VPS37C: variants seen among roughly 807,000 people sequenced by gnomAD.
VPS37C encodes the protein vacuolar protein sorting-associated protein 37C.
A neutral mutation model predicts 16.1 loss-of-function variants in VPS37C; 9 were observed. That is an observed-to-expected ratio of 0.56 (90% CI 0.34 to 0.97). The LOEUF (loss-of-function observed/expected upper bound fraction) is 0.97. VPS37C is among the 50% of genes least tolerant of loss of function. The pLI is 0.02. For synonymous variants in VPS37C, 207 were observed against 206.4 expected, an observed-to-expected ratio of 1.00 and a Z score of -0.02; for missense variants, 479 against 472.7, an observed-to-expected ratio of 1.01 and a Z score of -0.12.
chr11:61,133,356 C>G lies in VPS37C; in HGVS notation c.266-19G>C. The G allele has an allele frequency of 1.9e-6, 3 of 1,612,610 alleles. No homozygotes were observed. Among genetic ancestry groups the G allele is most frequent in the Non-Finnish European group, 2.5e-6 (3 of 1,179,306 alleles). On this transcript the variant is annotated intron_variant, in intron 3 of 4. Transcript: ENST00000301765. ...AATTTCTCTGGAAGGGAGGGCAGAA[C>G]GACTGACATTTGAAAAGTGCTTCCT...
chr11:61,151,396 C>CT (rs1853296255), intron 1 of VPS37C, among the ~76,000 whole-genome samples: 1 of 151,976 alleles, frequency 6.6e-6, no homozygotes, highest in African/African-American at 2.4e-5. Context: ...GCAGTGCCTC[C>CT]TTTGAAACTC....
At chr11:61,140,456 G>A (rs146180090) in intron 1 of VPS37C, among the ~76,000 whole-genome samples, 29 of 151,848 alleles carry the variant, frequency 1.9e-4, no homozygotes, top group African/African-American at 5.3e-4. Flanking sequence ...TCCATACAGG[G>A]ACGAGACCAG....
At chr11:61,155,105 A>C (rs1242157595) in intron 1 of VPS37C, among the ~76,000 whole-genome samples, 1 of 19,818 alleles carries the variant, frequency 5.0e-5, no homozygotes, top group Non-Finnish European at 8.4e-5. Flanking sequence ...CTCTGTCTCC[A>C]AAAAAAAAAA....
chr11:61,131,481 A>G lies in VPS37C; in HGVS notation c.*339T>C. 1 of 241,806 alleles carries G rather than the reference A, an allele frequency of 4.1e-6. No homozygotes were observed. The allele number at this position is 241,806 out of a possible 1,614,324, so 15.0% of individuals were successfully genotyped here. ...TAGAGATAACTCTGCACTGGGTTCA[A>G]ATGGCCCTGAGTGCAGCCGCAAGTA... On this transcript the variant is annotated 3_prime_UTR_variant, in exon 5 of 5. Transcript: ENST00000301765.
chr11:61,134,604 A>T (rs539729408), intron 2 of VPS37C, among the ~76,000 whole-genome samples: 2 of 152,372 alleles, frequency 1.3e-5, no homozygotes, highest in Non-Finnish European at 2.9e-5. Flanking sequence ...CCCAAGCTTC[A>T]GAGTCAAGAG....
At chr11:61,146,778 C>T (rs1222322105) in intron 1 of VPS37C, among the ~76,000 whole-genome samples, 3 of 152,170 alleles carry the variant, frequency 2.0e-5, no homozygotes, top group African/African-American at 7.2e-5. Context: ...ACTACCAGCC[C>T]CTGAGAAGGA....
intron 1 of VPS37C, among the ~76,000 whole-genome samples, chr11:61,155,087 G>A (rs1387505819): frequency 7.9e-6 from 1 of 127,024 alleles, no homozygotes; most frequent in Non-Finnish European, 1.6e-5. Flanking sequence ...CTGGATGACA[G>A]AGTGAGACTC....
At chr11:61,140,870 A>G (rs1796764860) in intron 1 of VPS37C, among the ~76,000 whole-genome samples, 1 of 152,198 alleles carries the variant, frequency 6.6e-6, no homozygotes, top group African/African-American at 2.4e-5. Flanking sequence ...TCAAACCTGC[A>G]TTCTGTCCAC....
Position 61,138,848 on chromosome 11 carries a change from T to G in VPS37C, c.-6-13A>C. 1 of 1,611,400 alleles carries G rather than the reference T, an allele frequency of 6.2e-7. No homozygotes were observed. The highest frequency in any genetic ancestry group is 8.5e-7 in the Non-Finnish European group (1 of 1,177,724). On this transcript the variant is annotated splice_polypyrimidine_tract_variant and intron_variant, in intron 1 of 4. Transcript: ENST00000301765. Reference sequence around the variant, plus strand: ...TCTCCATCCTTCCCTGTGAACACAGTGACACCAAAGTAACGAACAGGCAGC... The same window carrying G: ...TCTCCATCCTTCCCTGTGAACACAGGGACACCAAAGTAACGAACAGGCAGC...
rs1861238986 is a variant in VPS37C, at chr11:61,130,815, T to C, written c.*1005A>G. 2.3e-6 allele frequency: 1 copy of C among 441,070 alleles called. No individual in the cohort carries two copies. The highest frequency in any genetic ancestry group is 2.1e-5 in the African/African-American group (1 of 48,538). The allele number at this position is 441,070 out of a possible 1,614,324, so 27.3% of individuals were successfully genotyped here. On this transcript the variant is annotated 3_prime_UTR_variant, in exon 5 of 5. Transcript: ENST00000301765. ...AAAAAGCACCATTTGGGAAGTAAAG[T>C]TAGGGCCTCTTTTGATGCCTGTCTT...
chr11:61,157,423 TC>T (rs67902535), intron 1 of VPS37C, among the ~76,000 whole-genome samples: 2 of 151,630 alleles, frequency 1.3e-5, no homozygotes, highest in Non-Finnish European at 1.5e-5. Flanking sequence ...TTGTTTTTTT[TC>T]AATAGCCATC....
At chr11:61,141,898 C>T (rs1861478213) in intron 1 of VPS37C, among the ~76,000 whole-genome samples, 1 of 152,240 alleles carries the variant, frequency 6.6e-6, no homozygotes, top group Non-Finnish European at 1.5e-5. Context: ...GCTGACCACA[C>T]ACAAACAGCA....
In VPS37C at chr11:61,133,255, C is replaced by T; in HGVS notation, c.348G>A (p.Glu116=). Residue 116 remains glutamate, a splice_region_variant and synonymous_variant, in exon 4 of 5, where the codon GAG becomes GAA. Transcript: ENST00000301765. The part of the protein sequence containing the change: ...VEGMKIEEES[E]AMAEKFLEGE... ...GAGGGGTGTCGCCTCGCCCTCTCAC[C>T]TCGGACTCTTCTTCGATCTTCATGC... 1 of 1,614,152 alleles carries T rather than the reference C, an allele frequency of 6.2e-7. No individual in the cohort carries two copies. Among genetic ancestry groups the T allele is most frequent in the Non-Finnish European group, 8.5e-7 (1 of 1,180,038 alleles).
intron 4 of VPS37C, 96 bp from the exon 5 acceptor site, chr11:61,132,635 C>T: frequency 6.7e-7 from 1 of 1,484,766 alleles, no homozygotes; most frequent in African/African-American, 1.4e-5. Context: ...CCTCCCACCT[C>T]ACGCCGCCTC....
At chr11:61,136,994 G>C (rs1458259155) in intron 2 of VPS37C, among the ~76,000 whole-genome samples, 2 of 152,116 alleles carry the variant, frequency 1.3e-5, no homozygotes, top group African/African-American at 4.8e-5. Flanking sequence ...GGGTGACAAA[G>C]TAAGACCCTG....
intron 1 of VPS37C, among the ~76,000 whole-genome samples, chr11:61,150,207 TC>T (rs772368566): frequency 5.9e-5 from 9 of 151,826 alleles, no homozygotes; most frequent in East Asian, 1.9e-4. Context: ...GACATGTGGG[TC>T]CCCCCCACCC....
At chr11:61,144,296 T>C (rs1228470273) in intron 1 of VPS37C, 1 of 152,214 alleles carries the variant, frequency 6.6e-6, no homozygotes, top group Non-Finnish European at 1.5e-5. Flanking sequence ...GAAGTTTTCA[T>C]TTTAACTAGG....
rs1159631077 is a variant in VPS37C at position 61,132,103 on chromosome 11, G to T, written c.785C>A (p.Pro262Gln). 1 of 1,421,756 alleles carries T rather than the reference G, an allele frequency of 7.0e-7. No homozygotes were observed. The highest frequency in any genetic ancestry group is 9.2e-7 in the Non-Finnish European group (1 of 1,083,630). 88.1% of individuals were successfully genotyped at this position (1,421,756 alleles called of 1,614,324 possible). A position where few individuals can be genotyped will look rare whatever the true frequency, so the allele number is the denominator to read the frequency against. The change falls in exon 5 of 5, where the codon CCA becomes CAA. Residue 262 changes from proline (P) to glutamine (Q), a missense_variant. By Grantham distance (76) the Pro-to-Gln change is moderately conservative (BLOSUM62 -1). Transcript: ENST00000301765. ...CGGCCGGGGTGGCATGCTCCTCTGT[G>T]GGGACCAGGAGTAACCCGCAGCACC... ...PRGAAGYSWS[P>Q]QRSMPPRPGY...
intron 2 of VPS37C, chr11:61,138,440 T>C (rs1185341878): frequency 5.5e-6 from 2 of 365,178 alleles, no homozygotes; most frequent in Non-Finnish European, 5.2e-6. Context: ...TACAAAACCA[T>C]ACCAGTGCTT....
Sources: gnomAD v4.1 joint callset for allele counts (sites outside exome capture counted in the v4.1 genomes callset) on GRCh38, gnomAD v4.1.1 for gene constraint, MANE v1.5 for transcripts, NCBI Gene and HGNC (gene_info 2026-07-23, HGNC 2026-07-21) for gene names.